Variants in HUWE1 observed in about 807,000 individuals in gnomAD.
The protein encoded by HUWE1 is E3 ubiquitin-protein ligase HUWE1.
Under a neutral mutation model 299.4 loss-of-function variants are expected in HUWE1, and 18 were observed. That is an observed-to-expected ratio of 0.06 (90% confidence interval 0.04 to 0.09). HUWE1 has a LOEUF of 0.09. Among genes scored for constraint, HUWE1 ranks in the 10% least tolerant of loss-of-function variants. HUWE1 has a pLI of 1.00. For synonymous variants in HUWE1, 1,317 were observed against 1,286.1 expected, an observed-to-expected ratio of 1.02 and a Z score of -0.51; for missense variants, 1,832 against 3,462.3, an observed-to-expected ratio of 0.53 and a Z score of 11.82.
At chrX:53,624,757 G>C (rs2066375342) in intron 18 of HUWE1, 82 bp from the exon 19 acceptor site, 3 of 673,614 alleles carry the variant, frequency 4.5e-6, no homozygotes, top group Middle Eastern at 3.0e-4. Context: ...GATATGTTAT[G>C]TATTATCACA....
chrX:53,596,023 C>A (rs1413756491), intron 29 of HUWE1, among the ~76,000 whole-genome samples: 1 of 112,430 alleles, frequency 8.9e-6, no homozygotes, highest in African/African-American at 3.2e-5. Flanking sequence ...TGCTTTCCAG[C>A]TTCTCTTTAA....
intron 37 of HUWE1, among the ~76,000 whole-genome samples, chrX:53,587,393 G>A (rs1478664863): frequency 1.4e-4 from 16 of 112,271 alleles, no homozygotes; most frequent in Non-Finnish European, 3.0e-4. Context: ...AAATGTCCAA[G>A]GATAGGTAAT....
chrX:53,606,012 G>T (rs904906594), intron 25 of HUWE1, among the ~76,000 whole-genome samples: 45 of 112,027 alleles, frequency 4.0e-4, no homozygotes, highest in African/African-American at 1.4e-3. Context: ...AGAAGCCACA[G>T]TGGGAAAGCT....
At chrX:53,594,813 C>T (rs1400133044) in intron 30 of HUWE1, among the ~76,000 whole-genome samples, 192 bp from the exon 31 acceptor site, 1 of 111,669 alleles carries the variant, frequency 9.0e-6, no homozygotes, top group African/African-American at 3.3e-5. Flanking sequence ...TGATTGCTGA[C>T]GTGACGCTCA....
In HUWE1 at chrX:53,569,839, T is replaced by C; in HGVS notation, c.6313-12A>G. ...AGCACACTGCAGTCCTGAAAAGTCA[T>C]GAATCACGACATTTACTTACAAGCA... On this transcript the variant is annotated splice_polypyrimidine_tract_variant and intron_variant, in intron 47 of 83. Coordinates refer to ENST00000262854, the MANE Select transcript of HUWE1 (RefSeq NM_031407.7). The C allele has an allele frequency of 8.4e-7, 1 of 1,186,407 alleles. No individual in the cohort carries two copies. Among genetic ancestry groups the C allele is most frequent in the Non-Finnish European group, 1.1e-6 (1 of 872,419 alleles).
intron 47 of HUWE1, 103 bp downstream of exon 47, chrX:53,573,647 G>A: frequency 2.8e-6 from 2 of 708,315 alleles, no homozygotes; most frequent in South Asian, 2.3e-5. Flanking sequence ...CATTACTTGG[G>A]TTAGCACTTA....
intron 18 of HUWE1, 81 bp from the exon 19 acceptor site, chrX:53,624,756 T>C: frequency 4.4e-6 from 3 of 688,215 alleles, no homozygotes; most frequent in East Asian, 3.3e-5. Context: ...TGATATGTTA[T>C]GTATTATCAC....
chrX:53,580,860 G>A lies in HUWE1; in HGVS notation c.5687C>T (p.Ala1896Val). Residue 1896 changes from alanine to valine, a missense_variant, in exon 43 of 84, where the codon GCC becomes GTC. Ala to Val is a moderately conservative substitution (Grantham distance 64, BLOSUM62 0). This residue lies in a region of HUWE1 where 47 missense variants were observed against 45.8 expected (regional missense o/e 1.03). Transcript: ENST00000262854. ...TEVANCCIRI[A>V]LPAPRGSGTA... ...TCCTGAGCCTCGAGGGGCAGGAAGG[G>A]CGATGCGGATACAGCAGTTGGCCAC... 1 of 1,211,357 alleles carries A rather than the reference G, an allele frequency of 8.3e-7. No homozygotes were observed. The highest frequency in any genetic ancestry group is 1.1e-6 in the Non-Finnish European group (1 of 895,366).
At chrX:53,566,133 G>A (rs375512379) in intron 49 of HUWE1, among the ~76,000 whole-genome samples, 54 of 38,965 alleles carry the variant, frequency 1.4e-3, no homozygotes, top group South Asian at 4.1e-3. Context: ...GTGTGTGTGT[G>A]TATATATATA....
At chrX:53,638,646 T>C in intron 7 of HUWE1, among the ~76,000 whole-genome samples, 1 of 112,252 alleles carries the variant, frequency 8.9e-6, no homozygotes, top group South Asian at 3.7e-4. Flanking sequence ...AGTATTAATA[T>C]TACCTGGGAA....
intron 17 of HUWE1, among the ~76,000 whole-genome samples, chrX:53,626,724 ATT>A (rs782383461): frequency 8.9e-6 from 1 of 111,864 alleles, no homozygotes; most frequent in East Asian, 2.8e-4. Flanking sequence ...ATAAAATACT[ATT>A]TACATTTTGA....
chrX:53,581,033 A>G lies in HUWE1; in HGVS notation c.5521-7T>C, dbSNP rs782442834. The G allele has an allele frequency of 4.2e-6, 5 of 1,183,852 alleles. No individual in the cohort carries two copies. The highest frequency in any genetic ancestry group is 4.6e-6 in the Non-Finnish European group (4 of 875,392). ...TAGCTGCTGAGCGAACAACCTAGTA[A>G]AGAGAGAAAGAAACACTGTCGATTA... is the stretch of plus-strand genomic sequence containing the variant. On this transcript the variant is annotated splice_polypyrimidine_tract_variant and splice_region_variant and intron_variant, in intron 42 of 83. Coordinates refer to ENST00000262854, the MANE Select transcript of HUWE1 (RefSeq NM_031407.7).
In HUWE1 at chrX:53,551,311, C is replaced by G. The variant is rs2147297048; in HGVS notation, c.9051G>C (p.Val3017=). Residue 3017 remains valine (V), a synonymous_variant, in exon 64 of 84, where the codon GTG becomes GTC. Transcript: ENST00000262854. ...GCAGGGCAGCCAGAAACTCAGGGCT[C>G]ACTTCAGTCACACCAGGATTCCCCA... The part of the protein sequence containing the change: ...AVVGNPGVTE[V]SPEFLAALPP... 8.3e-7 allele frequency: 1 copy of G among 1,210,547 alleles called. No homozygotes were observed. Among genetic ancestry groups the G allele is most frequent in the East Asian group, 3.0e-5 (1 of 33,807 alleles).
chrX:53,626,978 G>A (rs1557018318), intron 17 of HUWE1, among the ~76,000 whole-genome samples: 2 of 111,222 alleles, frequency 1.8e-5, no homozygotes, highest in African/African-American at 6.6e-5. Context: ...CTCAAAATAG[G>A]TAAAGTTTTA....
chrX:53,597,585 T>C (rs1439477166), intron 29 of HUWE1, among the ~76,000 whole-genome samples: 4 of 84,825 alleles, frequency 4.7e-5, no homozygotes, highest in Non-Finnish European at 9.2e-5. Context: ...ATTGGTTCCA[T>C]TGATGTTTTG....
rs182155184 is a variant in HUWE1 at position 53,614,890 on chromosome X, T to C, written c.2050-145A>G. 1.0e-3 allele frequency: 506 copies of C among 483,219 alleles called. 4 individuals are homozygous for C. The African/African-American group carries it at 0.011, about 11-fold the overall frequency. The allele number at this position is 483,219 out of a possible 1,213,427, so 39.8% of individuals were successfully genotyped here. A position where few individuals can be genotyped will look rare whatever the true frequency, so the allele number is the denominator to read the frequency against. On this transcript the variant is annotated intron_variant, in intron 22 of 83. Transcript: ENST00000262854. Reference sequence around the variant, plus strand: ...TGTTATATACATAATTCCCAGAATATGGTCATTAATTACATTTTATAAACA... The same window carrying C: ...TGTTATATACATAATTCCCAGAATACGGTCATTAATTACATTTTATAAACA...
At chrX:53,671,262 C>T (rs1171492754) in intron 3 of HUWE1, among the ~76,000 whole-genome samples, 1 of 110,895 alleles carries the variant, frequency 9.0e-6, no homozygotes, top group Non-Finnish European at 1.9e-5. Flanking sequence ...ATCACCTGTT[C>T]CCCAAAAACC....
chrX:53,617,515 AGCTT>A, intron 19 of HUWE1, 69 bp from the exon 20 acceptor site: 1 of 655,549 alleles, frequency 1.5e-6, no homozygotes, highest in Admixed American at 2.7e-5. Flanking sequence ...AAACACCAAA[AGCTT>A]AAAAAAAAAT....
intron 7 of HUWE1, among the ~76,000 whole-genome samples, chrX:53,639,216 T>C (rs1487943670): frequency 1.8e-5 from 2 of 111,491 alleles, no homozygotes; most frequent in Non-Finnish European, 3.8e-5. Flanking sequence ...CAAGAACAAA[T>C]CCTAATGGCC....
Sources: gnomAD v4.1 joint callset for allele counts (sites outside exome capture counted in the v4.1 genomes callset) on GRCh38, gnomAD v4.1.1 for gene constraint, gnomAD v4.1.1 regional missense constraint, MANE v1.5 for transcripts, NCBI Gene and HGNC (gene_info 2026-07-23, HGNC 2026-07-21) for gene names.